Variants in CHRM3 observed in about 807,000 individuals in gnomAD.
The protein encoded by CHRM3 is muscarinic acetylcholine receptor M3.
A neutral mutation model predicts 41.8 loss-of-function variants in CHRM3; 11 were observed. That is an observed-to-expected ratio of 0.26 (90% CI 0.17 to 0.44). CHRM3 has a LOEUF of 0.44. Ranked by LOEUF, CHRM3 falls within the 20% of genes least tolerant of loss-of-function variation. The pLI is 1.00. For synonymous variants in CHRM3, 297 were observed against 301.4 expected (o/e 0.99, Z 0.15); for missense variants, 571 against 745.4 (o/e 0.77, Z 2.72).
At chr1:239,806,332 A>G (rs61829247) in intron 5 of CHRM3, among the ~76,000 whole-genome samples, 8,100 of 151,852 alleles carry the variant, frequency 0.053, 228 homozygotes, top group African/African-American at 0.079. Flanking sequence ...GGATGGAGTT[A>G]CACAACACAC....
chr1:239,828,467 T>C (rs1672641832), intron 6 of CHRM3, among the ~76,000 whole-genome samples: 1 of 152,070 alleles, frequency 6.6e-6, no homozygotes, highest in Non-Finnish European at 1.5e-5. Context: ...TTACAAAGGG[T>C]AGAGCATGAA....
intron 3 of CHRM3, among the ~76,000 whole-genome samples, chr1:239,608,008 G>A (rs1666546871): frequency 6.6e-6 from 1 of 152,112 alleles, no homozygotes; most frequent in African/African-American, 2.4e-5. Context: ...TAAAAGGAAG[G>A]CGTCTTTTCA....
chr1:239,566,485 A>T (rs1661372890), intron 3 of CHRM3, among the ~76,000 whole-genome samples: 1 of 152,192 alleles, frequency 6.6e-6, no homozygotes, highest in Admixed American at 6.5e-5. Flanking sequence ...ATTAAAACAC[A>T]TTATATCTTT....
chr1:239,428,485 A>G (rs72754668), intron 1 of CHRM3, among the ~76,000 whole-genome samples: 35,842 of 152,168 alleles, frequency 0.24, 4,504 homozygotes, highest in Non-Finnish European at 0.27. Flanking sequence ...CAGGGGAACA[A>G]CCCTATGGAG....
chr1:239,830,163 T>C (rs1672781467), intron 6 of CHRM3, among the ~76,000 whole-genome samples: 1 of 152,172 alleles, frequency 6.6e-6, no homozygotes, highest in African/African-American at 2.4e-5. Flanking sequence ...GCCTAAGTAT[T>C]TGTGGAAATT....
chr1:239,760,474 G>A (rs1455930772), intron 5 of CHRM3, among the ~76,000 whole-genome samples: 2 of 151,956 alleles, frequency 1.3e-5, no homozygotes, highest in East Asian at 3.9e-4. Flanking sequence ...AACCTTGCCT[G>A]TTCGTCTACC....
chr1:239,635,562 T>C (rs536489800), intron 4 of CHRM3, among the ~76,000 whole-genome samples: 1 of 152,314 alleles, frequency 6.6e-6, no homozygotes, highest in South Asian at 2.1e-4. Flanking sequence ...ATAACCACTG[T>C]CCTGGACACC....
chr1:239,424,411 T>TGTGA (rs1180449102), intron 1 of CHRM3, among the ~76,000 whole-genome samples: 1 of 151,938 alleles, frequency 6.6e-6, no homozygotes, highest in East Asian at 1.9e-4. Flanking sequence ...GGTGGGAGGG[T>TGTGA]GTGAGGTCAC....
At chr1:239,610,936 C>T (rs1666947346) in intron 3 of CHRM3, among the ~76,000 whole-genome samples, 1 of 152,080 alleles carries the variant, frequency 6.6e-6, no homozygotes, top group African/African-American at 2.4e-5. Flanking sequence ...CCTGTCATCC[C>T]AGCTACTCGG....
At chr1:239,864,519 TACACAC>T (rs199613762) in intron 6 of CHRM3, among the ~76,000 whole-genome samples, 8 of 148,036 alleles carry the variant, frequency 5.4e-5, no homozygotes, top group African/African-American at 1.5e-4. Context: ...AAACAGAAAA[TACACAC>T]ACACACACAC....
chr1:239,864,549 CACACACACACAT>C (rs1450013238), intron 6 of CHRM3, among the ~76,000 whole-genome samples: 3,893 of 146,822 alleles, frequency 0.027, 163 homozygotes, highest in African/African-American at 0.094. Flanking sequence ...CACACACGCA[CACACACACACAT>C]ATACATATAT....
intron 1 of CHRM3, among the ~76,000 whole-genome samples, chr1:239,470,443 C>T (rs967461519): frequency 2.2e-4 from 34 of 151,848 alleles, no homozygotes; most frequent in African/African-American, 8.2e-4. Context: ...AAAATTCACA[C>T]CCCCCCACTC....
chr1:239,459,138 T>G (rs1479396460), intron 1 of CHRM3, among the ~76,000 whole-genome samples: 1 of 152,106 alleles, frequency 6.6e-6, no homozygotes, highest in Non-Finnish European at 1.5e-5. Flanking sequence ...CACAGACCAG[T>G]GGCTAGAAAG....
chr1:239,727,478 A>T (rs1341075057), intron 5 of CHRM3, among the ~76,000 whole-genome samples: 1 of 151,928 alleles, frequency 6.6e-6, no homozygotes, highest in Non-Finnish European at 1.5e-5. Flanking sequence ...CATGCTTATT[A>T]TGAATTTGAA....
intron 2 of CHRM3, among the ~76,000 whole-genome samples, chr1:239,497,727 G>A (rs1667974650): frequency 6.6e-6 from 1 of 152,224 alleles, no homozygotes. Flanking sequence ...TGAGGCCATT[G>A]CCAATAATTT....
rs552318392 is a variant in CHRM3, at chr1:239,646,274, ATCTGT to A, written c.-250+13993_-250+13997del. Among the ~76,000 whole-genome samples the A allele has an allele frequency of 3.0e-4, 45 of 152,326 alleles. No individual in the cohort carries two copies. In the South Asian group the frequency reaches 8.9e-3, roughly 30 times the overall value. On this transcript the variant is annotated intron_variant, in intron 4 of 6. Coordinates refer to ENST00000676153, the MANE Select transcript of CHRM3 (RefSeq NM_001375978.1). ...GTTCTCGAGACAGACCATTTAGCTG[ATCTGT>A]TCTGATGCTTTAATACACAGCCTAT...
chr1:239,829,596 C>T (rs1005931257), intron 6 of CHRM3, among the ~76,000 whole-genome samples: 2 of 152,054 alleles, frequency 1.3e-5, no homozygotes, highest in African/African-American at 4.8e-5. Flanking sequence ...TGTGTTTCAT[C>T]TTATAACAGT....
At chr1:239,562,834 G>A (rs181265348) in intron 3 of CHRM3, among the ~76,000 whole-genome samples, 1 of 149,492 alleles carries the variant, frequency 6.7e-6, no homozygotes, top group East Asian at 2.0e-4. Flanking sequence ...GTTACAGTGA[G>A]CCGAGGTCGC....
At position 239,477,377 on chromosome 1, in the gene CHRM3, G is replaced by T. The variant is rs544087461; in HGVS notation, c.-520-15332G>T. Among the ~76,000 whole-genome samples, 268 of 152,194 alleles carry T rather than the reference G, an allele frequency of 1.8e-3. 1 individual carries two copies. Among genetic ancestry groups the T allele is most frequent in the African/African-American group, 6.4e-3 (264 of 41,528 alleles). On this transcript the variant is annotated intron_variant, in intron 1 of 6. Transcript: ENST00000676153. ...ATTTAGAAAATTATAGAAGAAGAAG[G>T]TTTTTCTAACAACGAGAAAAGTCTT...
Sources: gnomAD v4.1 joint callset for allele counts (sites outside exome capture counted in the v4.1 genomes callset) on GRCh38, gnomAD v4.1.1 for gene constraint, MANE v1.5 for transcripts, NCBI Gene and HGNC (gene_info 2026-07-23, HGNC 2026-07-21) for gene names.